The following GMPS variants were observed in gnomAD, a reference collection of about 807,000 sequenced individuals.
GMPS encodes guanosine monophosphate synthase.
A neutral mutation model predicts 77.9 loss-of-function variants in GMPS; 15 were observed. The ratio of observed to expected loss-of-function variants is 0.19; its 90% confidence interval spans 0.13 to 0.30. GMPS has a LOEUF of 0.30. Among genes scored for constraint, GMPS ranks in the 10% least tolerant of loss-of-function variants. The pLI is 1.00. For missense variants in GMPS, 590 were observed against 838.8 expected (o/e 0.70, Z 3.66); for synonymous variants, 224 against 275.9 (o/e 0.81, Z 1.86).
chr3:155,911,246 G>A lies in GMPS; in HGVS notation c.853G>A (p.Glu285Lys). 1 of 1,610,892 alleles carries A rather than the reference G, an allele frequency of 6.2e-7. No homozygotes were observed. The highest frequency in any genetic ancestry group is 8.5e-7 in the Non-Finnish European group (1 of 1,178,802). ...MRKRESQSVE[E>K]ALKKLGIQVK... ...AAAACGAGAAAGCCAGTCTGTTGAAGAGGCCCTCAAAAAGCTTGGAATTCA... is the reference window on the plus strand; with the variant it reads ...AAAACGAGAAAGCCAGTCTGTTGAAAAGGCCCTCAAAAAGCTTGGAATTCA... Residue 285 changes from glutamate (E) to lysine (K), a missense_variant, in exon 7 of 16, where the codon GAG (glutamate) becomes AAG (lysine). This residue lies in a region of GMPS where 181 missense variants were observed against 186.8 expected (regional missense o/e 0.97). Transcript: ENST00000496455.
chr3:155,942,710 TCTTA>T lies in GMPS; in HGVS notation c.*5022_*5025del, dbSNP rs1203505993. ...TAGGCTGTTCTTTCAACCTCTTTCT[TCTTA>T]CTTCTTTACTTTTCCTTCAGAGAGG... On this transcript the variant is annotated 3_prime_UTR_variant, in exon 16 of 16. Coordinates refer to ENST00000496455, the MANE Select transcript of GMPS (RefSeq NM_003875.3). 4.4e-5 allele frequency: 10 copies of T among 228,158 alleles called. No individual in the cohort carries two copies. Among genetic ancestry groups the T allele is most frequent in the African/African-American group, 1.3e-4 (6 of 45,070 alleles). 14.1% of individuals were successfully genotyped at this position (228,158 alleles called of 1,614,324 possible). A position where few individuals can be genotyped will look rare whatever the true frequency, so the allele number is the denominator to read the frequency against.
Position 155,942,158 on chromosome 3 carries a change from C to T in GMPS, c.*4466C>T, listed in dbSNP as rs898187242. The T allele has an allele frequency of 5.4e-6, 1 of 186,048 alleles. No individual in the cohort carries two copies. Among genetic ancestry groups the T allele is most frequent in the Non-Finnish European group, 1.1e-5 (1 of 88,172 alleles). 11.5% of individuals were successfully genotyped at this position (186,048 alleles called of 1,614,324 possible). A position where few individuals can be genotyped will look rare whatever the true frequency, so the allele number is the denominator to read the frequency against. ...CCCAAGTGCAGTGGCACAATCTCGG[C>T]TCACTGCAAGCTCCGCTTCGTGGGT... On this transcript the variant is annotated 3_prime_UTR_variant, in exon 16 of 16. Coordinates refer to ENST00000496455, the MANE Select transcript of GMPS (RefSeq NM_003875.3).
intron 1 of GMPS, among the ~76,000 whole-genome samples, chr3:155,882,067 G>GA (rs1207450995): frequency 2.6e-5 from 4 of 151,576 alleles, no homozygotes; most frequent in African/African-American, 4.8e-5. Context: ...GACCCTGTCT[G>GA]AAAAAAAATA....
intron 1 of GMPS, among the ~76,000 whole-genome samples, chr3:155,871,423 C>T (rs535863058): frequency 4.6e-5 from 7 of 152,292 alleles, no homozygotes; most frequent in African/African-American, 1.7e-4. Context: ...CGCCTGCCCT[C>T]GGCGAGGCCC....
At chr3:155,869,488 A>G (rs535912954), upstream of GMPS, among the ~76,000 whole-genome samples, 1 of 152,340 alleles carries the variant, frequency 6.6e-6, no homozygotes, top group South Asian at 2.1e-4. Context: ...GTTCAAAAAA[A>G]GGTAAGCGAA....
Position 155,941,548 on chromosome 3 carries a change from A to G in GMPS, c.*3856A>G, listed in dbSNP as rs1365130036. On this transcript the variant is annotated 3_prime_UTR_variant, in exon 16 of 16. Transcript: ENST00000496455. ...AAATTCTCTGACATCTGCTTGCGCA[A>G]TGTTATAACCACTTTCCCACACTAC... 5 of 220,316 alleles carry G rather than the reference A, an allele frequency of 2.3e-5. No homozygotes were observed. Among genetic ancestry groups the G allele is most frequent in the South Asian group, 1.8e-4 (1 of 5,414 alleles). 13.6% of individuals were successfully genotyped at this position (220,316 alleles called of 1,614,324 possible). A position where few individuals can be genotyped will look rare whatever the true frequency, so the allele number is the denominator to read the frequency against.
chr3:155,879,904 T>C (rs2108052501), intron 1 of GMPS, among the ~76,000 whole-genome samples: 1 of 150,814 alleles, frequency 6.6e-6, no homozygotes, highest in East Asian at 2.0e-4. Context: ...CTAATTCTTT[T>C]GCCCATTTTA....
intron 11 of GMPS, 91 bp downstream of exon 11, chr3:155,922,393 T>G (rs1451145635): frequency 5.5e-6 from 3 of 547,458 alleles, no homozygotes; most frequent in Non-Finnish European, 9.5e-6. Flanking sequence ...GGTTTTATTA[T>G]TTGAAAATTT....
At chr3:155,881,733 A>T (rs1011308145) in intron 1 of GMPS, among the ~76,000 whole-genome samples, 15 of 152,152 alleles carry the variant, frequency 9.9e-5, no homozygotes, top group African/African-American at 3.4e-4. Context: ...TGATGTTCTC[A>T]TGGTGGCAGA....
In GMPS at chr3:155,877,797, C is replaced by CTT. The variant is rs35973380; in HGVS notation, c.27+6917_27+6918dup. 5.3e-5 allele frequency among the ~76,000 whole-genome samples: 6 copies of CTT among 113,054 alleles called. No homozygotes were observed. The South Asian group carries it at 8.6e-4, about 16-fold the overall frequency. The allele number at this position is 113,054 out of a possible 152,430, so 74.2% of individuals were successfully genotyped here. A position where few individuals can be genotyped will look rare whatever the true frequency, so the allele number is the denominator to read the frequency against. On this transcript the variant is annotated intron_variant, in intron 1 of 15. Coordinates refer to ENST00000496455, the MANE Select transcript of GMPS (RefSeq NM_003875.3). ...TGATGCTGTGTCCTCACCTTGGGGCCTTTTTTTTTTTTTTTTTTGAGACAG... is the reference window on the plus strand; with the variant it reads ...TGATGCTGTGTCCTCACCTTGGGGCCTTTTTTTTTTTTTTTTTTTTGAGACAG...
At chr3:155,934,305 T>C (rs3772114) in intron 13 of GMPS, among the ~76,000 whole-genome samples, 8,267 of 152,262 alleles carry the variant, frequency 0.054, 313 homozygotes, top group East Asian at 0.18. Context: ...TCTCACAGTT[T>C]AGGAGGCCAG....
chr3:155,875,854 G>C (rs559030531), intron 1 of GMPS, among the ~76,000 whole-genome samples: 6 of 152,018 alleles, frequency 3.9e-5, no homozygotes, highest in Non-Finnish European at 7.4e-5. Context: ...TATGGCTTCA[G>C]GTTCATGGTT....
chr3:155,887,090 A>G (rs772589297), intron 1 of GMPS, among the ~76,000 whole-genome samples: 20 of 152,114 alleles, frequency 1.3e-4, no homozygotes, highest in Non-Finnish European at 2.4e-4. Context: ...TGATTCATTT[A>G]TGTTTTGGGG....
chr3:155,914,539 A>G lies in GMPS; in HGVS notation c.1007A>G (p.Lys336Arg). The change falls in exon 8 of 16, where the codon AAA (lysine) becomes AGA (arginine). Residue 336 changes from lysine (K) to arginine (R), a missense_variant. Coordinates refer to ENST00000496455, the MANE Select transcript of GMPS (RefSeq NM_003875.3). ...AATATGACCACAAGTCCTGAAGAGA[A>G]AAGAAAAATCATTGGGGATACTTTT... ...TLNMTTSPEE[K>R]RKIIGDTFVK... 1 of 1,591,784 alleles carries G rather than the reference A, an allele frequency of 6.3e-7. No homozygotes were observed. Among genetic ancestry groups the G allele is most frequent in the Non-Finnish European group, 8.5e-7 (1 of 1,172,142 alleles).
At chr3:155,893,795 A>C (rs999695960) in intron 2 of GMPS, 96 bp downstream of exon 2, 3 of 668,482 alleles carry the variant, frequency 4.5e-6, no homozygotes, top group Non-Finnish European at 2.4e-6. Flanking sequence ...TTCTACGAAA[A>C]TAAGATATGG....
Position 155,903,922 on chromosome 3 carries a change from T to C in GMPS, c.384T>C (p.Val128=). The C allele has an allele frequency of 6.5e-7, 1 of 1,539,756 alleles. No homozygotes were observed. ...AAAAAAGTGTCAGAGAAGATGGAGT[T>C]TTCAACATTAGTGTGGATAATACAT... ...VHKKSVREDG[V]FNISVDNTCS... Residue 128 remains valine, a synonymous_variant, in exon 4 of 16, where the codon GTT becomes GTC. Coordinates refer to ENST00000496455, the MANE Select transcript of GMPS (RefSeq NM_003875.3).
intron 3 of GMPS, 34 bp from the exon 4 acceptor site, chr3:155,903,829 A>G: frequency 1.1e-6 from 1 of 881,024 alleles, no homozygotes; most frequent in Non-Finnish European, 1.7e-6. Context: ...TTTTCTTTTG[A>G]TTTCTATTAA....
At position 155,906,549 on chromosome 3, in the gene GMPS, G is replaced by C. The variant is rs148656119; in HGVS notation, c.526+286G>C. ...TTCAAACATAAAACACTATACTTTT[G>C]TAACTCAGGAAAAATTTGAGAACTC... On this transcript the variant is annotated intron_variant, in intron 5 of 15. Transcript: ENST00000496455. 6.4e-3 allele frequency among the ~76,000 whole-genome samples: 967 copies of C among 152,210 alleles called. 18 individuals are homozygous for C. The highest frequency in any genetic ancestry group is 0.023 in the African/African-American group (939 of 41,524).
chr3:155,938,969 A>T lies in GMPS; in HGVS notation c.*1277A>T. ...CATCTCAGGTTGCTGCTGCTTGTCT[A>T]GTTTAAAAGGTCAGATCTATTAATC... On this transcript the variant is annotated 3_prime_UTR_variant, in exon 16 of 16. Coordinates refer to ENST00000496455, the MANE Select transcript of GMPS (RefSeq NM_003875.3). 1 of 218,736 alleles carries T rather than the reference A, an allele frequency of 4.6e-6. No individual in the cohort carries two copies. The highest frequency in any genetic ancestry group is 2.2e-5 in the African/African-American group (1 of 44,678). The allele number at this position is 218,736 out of a possible 1,614,324, so 13.5% of individuals were successfully genotyped here. A position where few individuals can be genotyped will look rare whatever the true frequency, so the allele number is the denominator to read the frequency against.
Sources: allele counts gnomAD v4.1 joint callset (sites outside exome capture counted in the v4.1 genomes callset), GRCh38; gene constraint gnomAD v4.1.1; regional missense constraint gnomAD v4.1.1; transcripts MANE v1.5; gene names NCBI Gene and HGNC (gene_info 2026-07-23, HGNC 2026-07-21).